The following RB1 variants were observed in gnomAD, a reference collection of about 807,000 sequenced individuals.
The protein encoded by RB1 is RB transcriptional corepressor 1, also known as retinoblastoma-associated protein.
A neutral mutation model predicts 135.4 loss-of-function variants in RB1; 18 were observed. That is an observed-to-expected ratio of 0.13 (90% CI 0.09 to 0.20). The LOEUF (loss-of-function observed/expected upper bound fraction) is 0.20. RB1 is among the 10% of genes least tolerant of loss of function. The pLI is 1.00. For synonymous variants in RB1, 365 were observed against 373.2 expected (o/e 0.98, Z 0.25); for missense variants, 868 against 1,110.0 (o/e 0.78, Z 3.10).
At chr13:48,313,455 G>A (rs1267396336) in intron 2 of RB1, among the ~76,000 whole-genome samples, 2 of 150,088 alleles carry the variant, frequency 1.3e-5, no homozygotes, top group Non-Finnish European at 1.5e-5. Flanking sequence ...CCAAGGTCAT[G>A]AAGACTTATT....
At chr13:48,478,992 C>T (rs888000463) in intron 26 of RB1, among the ~76,000 whole-genome samples, 1 of 152,054 alleles carries the variant, frequency 6.6e-6, no homozygotes, top group African/African-American at 2.4e-5. Flanking sequence ...TATGGGAGGG[C>T]AAGGTGAGAG....
chr13:48,342,749 T>A (rs1167252297), intron 3 of RB1, 35 bp downstream of exon 3: 1 of 1,409,498 alleles, frequency 7.1e-7, no homozygotes, highest in African/African-American at 1.4e-5. Flanking sequence ...GCCTCTGCCA[T>A]AAAAGGAAAC....
At chr13:48,453,675 G>A (rs1043815663) in intron 18 of RB1, among the ~76,000 whole-genome samples, 1 of 152,154 alleles carries the variant, frequency 6.6e-6, no homozygotes, top group Non-Finnish European at 1.5e-5. Flanking sequence ...CCAGGAGAGA[G>A]ATCTGTGCCT....
chr13:48,356,199 C>G (rs1593441511), intron 6 of RB1, among the ~76,000 whole-genome samples: 1 of 151,924 alleles, frequency 6.6e-6, no homozygotes, highest in East Asian at 1.9e-4. Flanking sequence ...TATGTACCCA[C>G]AAAAATTAAA....
chr13:48,318,319 T>C, intron 2 of RB1: 1 of 1,333,098 alleles, frequency 7.5e-7, no homozygotes, highest in East Asian at 2.5e-5. Flanking sequence ...TGGGCAGTGC[T>C]GAACCTGACC....
chr13:48,439,148 T>C (rs1949212292), intron 17 of RB1, among the ~76,000 whole-genome samples: 1 of 152,162 alleles, frequency 6.6e-6, no homozygotes, highest in African/African-American at 2.4e-5. Context: ...ACAGGTAGAC[T>C]TGGGTTTGAA....
At chr13:48,339,655 C>G (rs1341399913) in intron 2 of RB1, among the ~76,000 whole-genome samples, 1 of 152,194 alleles carries the variant, frequency 6.6e-6, no homozygotes, top group Non-Finnish European at 1.5e-5. Flanking sequence ...CTTTGGCTCA[C>G]ACTTGGTTGG....
At chr13:48,393,629 T>C (rs1221889528) in intron 17 of RB1, among the ~76,000 whole-genome samples, 1 of 152,230 alleles carries the variant, frequency 6.6e-6, no homozygotes, top group Non-Finnish European at 1.5e-5. Flanking sequence ...ATATGAAATA[T>C]GTACACTTAC....
intron 11 of RB1, among the ~76,000 whole-genome samples, chr13:48,369,434 A>T (rs957460864): frequency 8.5e-5 from 13 of 152,156 alleles, no homozygotes; most frequent in African/African-American, 3.1e-4. Context: ...ACCATCAAAG[A>T]TATTCTCCAT....
intron 21 of RB1, 38 bp downstream of exon 21, chr13:48,463,873 C>A (rs751253103): frequency 8.1e-7 from 1 of 1,233,594 alleles, no homozygotes; most frequent in Non-Finnish European, 1.2e-6. Flanking sequence ...TTGATAAATC[C>A]ATATCCATAA....
rs1208140722 is a variant in RB1 at position 48,392,025 on chromosome 13, G to C, written c.1695+10582G>C. 6.6e-5 allele frequency among the ~76,000 whole-genome samples: 10 copies of C among 152,128 alleles called. 1 individual carries two copies. The highest frequency in any genetic ancestry group is 5.9e-4 in the Admixed American group (9 of 15,266). ...TTATTTTTAAAAGGTCTTTTGCTGG[G>C]TATTGAATTCTAGGTTGACAGTCTT... On this transcript the variant is annotated intron_variant, in intron 17 of 26. Coordinates refer to ENST00000267163, the MANE Select transcript of RB1 (RefSeq NM_000321.3).
At chr13:48,405,639 G>A (rs943467158) in intron 17 of RB1, among the ~76,000 whole-genome samples, 2 of 152,124 alleles carry the variant, frequency 1.3e-5, no homozygotes, top group Non-Finnish European at 2.9e-5. Context: ...CCTGCAAACC[G>A]AAAATATTTA....
At chr13:48,400,994 G>A (rs903144505) in intron 17 of RB1, among the ~76,000 whole-genome samples, 12 of 152,044 alleles carry the variant, frequency 7.9e-5, no homozygotes, top group Non-Finnish European at 1.8e-4. Flanking sequence ...AGGGGGAAAA[G>A]GCATCATGGG....
chr13:48,355,571 A>T (rs984598420), intron 6 of RB1, among the ~76,000 whole-genome samples: 1 of 152,154 alleles, frequency 6.6e-6, no homozygotes, highest in Non-Finnish European at 1.5e-5. Flanking sequence ...ACTGCCAGGT[A>T]TATACCCAAC....
chr13:48,321,504 G>A (rs1276886057), intron 2 of RB1, among the ~76,000 whole-genome samples: 3 of 151,852 alleles, frequency 2.0e-5, no homozygotes, highest in Non-Finnish European at 4.4e-5. Context: ...TTTCCCTTGT[G>A]ATTGGTGATG....
chr13:48,317,763 G>A (rs1173815579), intron 2 of RB1: 1 of 393,302 alleles, frequency 2.5e-6, no homozygotes, highest in Non-Finnish European at 4.6e-6. Flanking sequence ...GTGCTCCAGC[G>A]CTCTCTGCAC....
At chr13:48,312,525 G>A (rs1215449876) in intron 2 of RB1, among the ~76,000 whole-genome samples, 1 of 152,142 alleles carries the variant, frequency 6.6e-6, no homozygotes, top group East Asian at 1.9e-4. Context: ...AGGAAGAAGT[G>A]GAATTTTACA....
At chr13:48,314,931 T>C (rs780872816) in intron 2 of RB1, among the ~76,000 whole-genome samples, 1 of 152,252 alleles carries the variant, frequency 6.6e-6, no homozygotes, top group Non-Finnish European at 1.5e-5. Context: ...TTGAACTACA[T>C]CTTTTCAAAG....
intron 17 of RB1, among the ~76,000 whole-genome samples, chr13:48,386,611 G>A (rs1216807971): frequency 6.6e-6 from 1 of 152,100 alleles, no homozygotes; most frequent in Non-Finnish European, 1.5e-5. Context: ...TGAACAAAGT[G>A]AGCCTGTCAT....
Sources: allele counts gnomAD v4.1 joint callset (sites outside exome capture counted in the v4.1 genomes callset), GRCh38; gene constraint gnomAD v4.1.1; transcripts MANE v1.5; gene names NCBI Gene and HGNC (gene_info 2026-07-23, HGNC 2026-07-21).